Variants in MYBBP1A observed in about 807,000 individuals in gnomAD.
MYBBP1A encodes the protein MYB binding protein 1a, also known as myb-binding protein 1A.
A neutral mutation model predicts 136.3 loss-of-function variants in MYBBP1A; 147 were observed. The ratio of observed to expected loss-of-function variants is 1.08; its 90% CI spans 0.94 to 1.24. MYBBP1A has a LOEUF of 1.24. Among genes scored for constraint, MYBBP1A ranks in the 50% most tolerant of loss-of-function variants. The pLI is 0.00. For synonymous variants in MYBBP1A, 947 were observed against 735.8 expected, an observed-to-expected ratio of 1.29 and a Z score of -4.65; for missense variants, 2,060 against 1,727.4, an observed-to-expected ratio of 1.19 and a Z score of -3.41.
chr17:4,550,033 G>A (rs768703581), intron 9 of MYBBP1A, 25 bp downstream of exon 9: 5 of 1,584,408 alleles, frequency 3.2e-6, no homozygotes, highest in East Asian at 2.2e-5. Flanking sequence ...CCTAAATTAG[G>A]TGTCCTCCCC....
intron 2 of MYBBP1A, 130 bp from the exon 3 acceptor site, chr17:4,554,408 T>C (rs1187504570): frequency 4.2e-6 from 3 of 713,558 alleles, no homozygotes; most frequent in Non-Finnish European, 7.1e-6. Flanking sequence ...CCACCTTCTA[T>C]GTACCTTCTA....
At chr17:4,540,065 G>C in intron 25 of MYBBP1A, 98 bp from the exon 26 acceptor site, 1 of 1,411,140 alleles carries the variant, frequency 7.1e-7, no homozygotes, top group Non-Finnish European at 9.6e-7. Context: ...GGTCCTCTGA[G>C]GCCCCTAGGT....
chr17:4,550,809 C>T (rs539539559), intron 8 of MYBBP1A, among the ~76,000 whole-genome samples: 18 of 152,398 alleles, frequency 1.2e-4, no homozygotes, highest in African/African-American at 2.9e-4. Flanking sequence ...ACCTCTCACG[C>T]GCTTACTCAG....
chr17:4,543,868 G>C (rs1906697140), intron 19 of MYBBP1A, among the ~76,000 whole-genome samples: 1 of 150,570 alleles, frequency 6.6e-6, no homozygotes, highest in African/African-American at 2.5e-5. Flanking sequence ...TTCTGAAAAG[G>C]CAAACCAGAC....
rs768643550 is a variant in MYBBP1A at position 4,550,336 on chromosome 17, C to G, written c.1041G>C (p.Lys347Asn). Residue 347 changes from lysine to asparagine, a missense_variant, in exon 9 of 26, where the codon AAG becomes AAC. By Grantham distance (94) the Lys-to-Asn change is moderately conservative. Transcript: ENST00000254718. ...VCTAKLPKQF[K>N]FAPEMDDYVG... ...CGTAATCGTCCATCTCTGGGGCAAACTTGAACTGCTTTGGGAGCTGCAAGA... is the reference window on the plus strand; with the variant it reads ...CGTAATCGTCCATCTCTGGGGCAAAGTTGAACTGCTTTGGGAGCTGCAAGA... The G allele has an allele frequency of 6.2e-7, 1 of 1,612,380 alleles. No homozygotes were observed. Among genetic ancestry groups the G allele is most frequent in the Non-Finnish European group, 8.5e-7 (1 of 1,179,592 alleles).
chr17:4,554,456 G>A (rs184324613), intron 2 of MYBBP1A, among the ~76,000 whole-genome samples, 178 bp from the exon 3 acceptor site: 9 of 152,202 alleles, frequency 5.9e-5, no homozygotes, highest in East Asian at 1.9e-4. Flanking sequence ...CTCAGCCACT[G>A]GGTCTTCTCT....
chr17:4,548,720 G>T lies in MYBBP1A; in HGVS notation c.1431-71C>A. The T allele has an allele frequency of 1.3e-6, 2 of 1,592,102 alleles. No homozygotes were observed. The highest frequency in any genetic ancestry group is 1.3e-5 in the African/African-American group (1 of 74,562). Reference sequence around the variant, plus strand: ...TTTTACAGGCTCCCCTCCTTGGATGGTACCACCGAGGGTACAAGGCCAGGA... The same window carrying T: ...TTTTACAGGCTCCCCTCCTTGGATGTTACCACCGAGGGTACAAGGCCAGGA... On this transcript the variant is annotated intron_variant, in intron 10 of 25. Transcript: ENST00000254718. This position sits in a 1 kb window ranked among gnomAD's most constrained non-coding sequence, Gnocchi z 4.2.
rs1216716280 is a variant in MYBBP1A, at chr17:4,539,882, A to G, written c.3520T>C (p.Phe1174Leu). The G allele has an allele frequency of 6.2e-7, 1 of 1,603,196 alleles. No individual in the cohort carries two copies. The highest frequency in any genetic ancestry group is 8.5e-7 in the Non-Finnish European group (1 of 1,179,888). Reference protein sequence around the residue: ...PISKKRKKKGFLPETKKRKKR... With the variant: ...PISKKRKKKGLLPETKKRKKR... ...TTGCGCTTCTTCGTCTCTGGCAAGA[A>G]TCCCTTTTTCTTCCGCTTCTTACTG... The change falls in exon 26 of 26, where the codon TTC (phenylalanine) becomes CTC (leucine). Residue 1174 changes from phenylalanine (F) to leucine (L), a missense_variant. Coordinates refer to ENST00000254718, the MANE Select transcript of MYBBP1A (RefSeq NM_014520.4).
In MYBBP1A at chr17:4,548,348, T is replaced by A. The variant is rs1364664608; in HGVS notation, c.1557-38A>T. ...TGGGGCTTGGGGTCAGCAGACCAGA[T>A]GAGTCAATGTAGCCGCCTCCCTCCG... is the stretch of plus-strand genomic sequence containing the variant. On this transcript the variant is annotated intron_variant, in intron 11 of 25. Transcript: ENST00000254718. The surrounding 1 kb of genome is among the most constrained non-coding windows in gnomAD (Gnocchi z 4.2). The A allele has an allele frequency of 6.2e-7, 1 of 1,607,576 alleles. No individual in the cohort carries two copies. Among genetic ancestry groups the A allele is most frequent in the Non-Finnish European group, 8.5e-7 (1 of 1,177,744 alleles).
Position 4,553,791 on chromosome 17 carries a change from A to G in MYBBP1A, c.561+19T>C. On this transcript the variant is annotated intron_variant, in intron 5 of 25. Coordinates refer to ENST00000254718, the MANE Select transcript of MYBBP1A (RefSeq NM_014520.4). ...GTAACAAAGTGTTGCCTGGGCCCGC[A>G]CAGCTGGGGAGCTCATACCTCGGAG... 1.2e-6 allele frequency: 2 copies of G among 1,607,442 alleles called. No individual in the cohort carries two copies. The highest frequency in any genetic ancestry group is 1.7e-6 in the Non-Finnish European group (2 of 1,174,430).
chr17:4,553,205 T>C (rs879482422), intron 5 of MYBBP1A, among the ~76,000 whole-genome samples: 1 of 152,186 alleles, frequency 6.6e-6, no homozygotes, highest in African/African-American at 2.4e-5. Context: ...GGTGGAGAGC[T>C]GGGATTCGAA....
chr17:4,555,092 A>G, intron 1 of MYBBP1A, 35 bp downstream of exon 1: 1 of 1,564,342 alleles, frequency 6.4e-7, no homozygotes, highest in African/African-American at 1.4e-5. Context: ...TTGCCGGGAT[A>G]TGCGCAGCCT....
Position 4,542,932 on chromosome 17 carries a change from T to G in MYBBP1A, c.2873A>C (p.His958Pro), listed in dbSNP as rs879797. ...EKQKAGTDPS[H>P]MPTGPQAASC... ...GCTCACCTGCGGGCCCGTGGGCATG[T>G]GGCTGGGGTCAGTGCCAGCTTTCTG... is the stretch of plus-strand genomic sequence containing the variant. The change falls in exon 20 of 26, where the codon CAC (histidine) becomes CCC (proline). Residue 958 changes from histidine to proline, a missense_variant. Physicochemically the swap from His to Pro is moderately conservative, Grantham distance 77. Coordinates refer to ENST00000254718, the MANE Select transcript of MYBBP1A (RefSeq NM_014520.4). 0.012 allele frequency: 20,109 copies of G among 1,613,976 alleles called. 327 individuals carry two copies. Among genetic ancestry groups the G allele is most frequent in the African/African-American group, 0.075 (5,659 of 75,040 alleles).
At chr17:4,540,012 C>A in intron 25 of MYBBP1A, 45 bp from the exon 26 acceptor site, 1 of 1,568,028 alleles carries the variant, frequency 6.4e-7, no homozygotes, top group Non-Finnish European at 8.6e-7. Flanking sequence ...TCGAGGGCAG[C>A]AGCCACCGCC....
Position 4,548,720 on chromosome 17 carries a change from G to A in MYBBP1A, c.1431-71C>T. The A allele has an allele frequency of 6.3e-7, 1 of 1,592,102 alleles. No homozygotes were observed. The highest frequency in any genetic ancestry group is 8.6e-7 in the Non-Finnish European group (1 of 1,166,354). The stretch of plus-strand genomic sequence containing the variant: ...TTTTACAGGCTCCCCTCCTTGGATG[G>A]TACCACCGAGGGTACAAGGCCAGGA... On this transcript the variant is annotated intron_variant, in intron 10 of 25. Coordinates refer to ENST00000254718, the MANE Select transcript of MYBBP1A (RefSeq NM_014520.4). This position sits in a 1 kb window ranked among gnomAD's most constrained non-coding sequence, Gnocchi z 4.2.
intron 22 of MYBBP1A, 67 bp downstream of exon 22, chr17:4,542,397 C>T: frequency 6.6e-7 from 1 of 1,505,502 alleles, no homozygotes; most frequent in Non-Finnish European, 9.0e-7. Flanking sequence ...TCACAATATC[C>T]AGTCAGAAGA....
chr17:4,554,955 C>T lies in MYBBP1A; in HGVS notation c.200G>A (p.Gly67Glu). Residue 67 changes from glycine (G) to glutamate (E), a missense_variant and splice_region_variant, in exon 2 of 26, where the codon GGG (glycine) becomes GAG (glutamate). By Grantham distance (98) the Gly-to-Glu change is moderately conservative (BLOSUM62 -2). Coordinates refer to ENST00000254718, the MANE Select transcript of MYBBP1A (RefSeq NM_014520.4). ...CTTCAGGGCATATTTCATCTCGGAC[C>T]CCTGCGGAACCAAGCACACCCTCGT... is the stretch of plus-strand genomic sequence containing the variant. ...LLEYLRGRPK[G>E]SEMKYALKRL... 2 of 1,613,418 alleles carry T rather than the reference C, an allele frequency of 1.2e-6. No individual in the cohort carries two copies. Among genetic ancestry groups the T allele is most frequent in the Non-Finnish European group, 1.7e-6 (2 of 1,179,994 alleles).
At chr17:4,541,342 G>A (rs957710390) in intron 24 of MYBBP1A, 121 bp downstream of exon 24, 12 of 878,276 alleles carry the variant, frequency 1.4e-5, no homozygotes, top group South Asian at 2.9e-5. Context: ...CAGGCACTGA[G>A]AAGTTTCCCC....
chr17:4,541,690 G>T (rs1396062261), intron 23 of MYBBP1A, 94 bp downstream of exon 23: 2 of 1,442,994 alleles, frequency 1.4e-6, no homozygotes, highest in African/African-American at 2.8e-5. Flanking sequence ...CCCGACTCTG[G>T]ACTCAGGCTC....
Sources: gnomAD v4.1 joint callset for allele counts (sites outside exome capture counted in the v4.1 genomes callset) on GRCh38, gnomAD v4.1.1 for gene constraint, Gnocchi (gnomAD v3.1) non-coding constraint, MANE v1.5 for transcripts, NCBI Gene and HGNC (gene_info 2026-07-23, HGNC 2026-07-21) for gene names.